Variants in TANC2 observed in about 807,000 individuals in gnomAD.
TANC2 encodes the protein protein TANC2.
TANC2 carries 26 observed loss-of-function variants against 210.5 expected under a neutral mutation model. That is an observed-to-expected ratio of 0.12 (90% CI 0.09 to 0.17). The LOEUF (loss-of-function observed/expected upper bound fraction) is 0.17. Ranked by LOEUF, TANC2 falls within the 10% of genes least tolerant of loss-of-function variation. The probability of loss-of-function intolerance (pLI) is 1.00; values close to 1 mark genes in which losing one functional copy is unlikely to be tolerated. For synonymous variants in TANC2, 931 were observed against 967.1 expected, an observed-to-expected ratio of 0.96 and a Z score of 0.69; for missense variants, 2,129 against 2,608.9, an observed-to-expected ratio of 0.82 and a Z score of 4.01.
At chr17:63,147,609 G>A (rs2039508022) in intron 4 of TANC2, among the ~76,000 whole-genome samples, 1 of 152,152 alleles carries the variant, frequency 6.6e-6, no homozygotes, top group African/African-American at 2.4e-5. Context: ...CTTATCTGGG[G>A]TGAGGCCTGA....
chr17:63,318,236 T>C (rs2045376559), intron 10 of TANC2, among the ~76,000 whole-genome samples: 1 of 152,224 alleles, frequency 6.6e-6, no homozygotes, highest in South Asian at 2.1e-4. Context: ...AGTATGATCT[T>C]ATTCATAAAT....
chr17:63,050,486 C>T (rs1382778945), intron 2 of TANC2, among the ~76,000 whole-genome samples: 1 of 151,912 alleles, frequency 6.6e-6, no homozygotes, highest in East Asian at 1.9e-4. Flanking sequence ...AACATAAAAC[C>T]ATGAGTCTAT....
intron 14 of TANC2, among the ~76,000 whole-genome samples, chr17:63,374,840 G>A (rs1346491559): frequency 2.0e-5 from 3 of 152,104 alleles, no homozygotes; most frequent in Non-Finnish European, 2.9e-5. Context: ...AAATAATTTT[G>A]AGCAGAATTT....
At chr17:63,399,850 C>CT (rs2048288629) in intron 19 of TANC2, among the ~76,000 whole-genome samples, 2 of 152,222 alleles carry the variant, frequency 1.3e-5, no homozygotes. Context: ...TTCCTGACTT[C>CT]TTTAACATCA....
chr17:63,137,134 C>G (rs1208469906), intron 4 of TANC2, among the ~76,000 whole-genome samples: 1 of 151,726 alleles, frequency 6.6e-6, no homozygotes, highest in African/African-American at 2.4e-5. Context: ...TGTTAAAAAC[C>G]TGGAGCATTC....
intron 2 of TANC2, among the ~76,000 whole-genome samples, chr17:63,022,887 G>T (rs1307693189): frequency 6.6e-6 from 1 of 152,220 alleles, no homozygotes; most frequent in Non-Finnish European, 1.5e-5. Flanking sequence ...GCAGCAACAT[G>T]CTGTGGTTCA....
At chr17:63,068,283 T>C (rs960944794) in intron 2 of TANC2, among the ~76,000 whole-genome samples, 9 of 152,166 alleles carry the variant, frequency 5.9e-5, no homozygotes, top group African/African-American at 2.2e-4. Flanking sequence ...TCGCGTTGTT[T>C]AGCAGAAATG....
intron 17 of TANC2, among the ~76,000 whole-genome samples, chr17:63,395,370 T>C (rs1272350545): frequency 6.6e-6 from 1 of 152,242 alleles, no homozygotes; most frequent in Non-Finnish European, 1.5e-5. Flanking sequence ...AAAGATAATT[T>C]TTTTTATGCC....
chr17:62,977,778 C>A (rs145826012), intron 1 of TANC2, among the ~76,000 whole-genome samples: 414 of 152,168 alleles, frequency 2.7e-3, no homozygotes, highest in Admixed American at 5.1e-3. Flanking sequence ...TTGATATTTT[C>A]CTCTCCCCTC....
intron 12 of TANC2, among the ~76,000 whole-genome samples, chr17:63,346,635 G>A (rs912432405): frequency 6.6e-6 from 1 of 152,210 alleles, no homozygotes; most frequent in African/African-American, 2.4e-5. Flanking sequence ...GTAAGGATGA[G>A]AAACAACTGG....
At chr17:63,310,460 ATAT>A (rs1209260827) in intron 9 of TANC2, among the ~76,000 whole-genome samples, 1 of 152,170 alleles carries the variant, frequency 6.6e-6, no homozygotes, top group Non-Finnish European at 1.5e-5. Flanking sequence ...AAAAAGAAAA[ATAT>A]TATTTCTAAA....
chr17:63,098,897 G>A (rs2037516205), intron 3 of TANC2, among the ~76,000 whole-genome samples: 1 of 151,998 alleles, frequency 6.6e-6, no homozygotes, highest in Admixed American at 6.6e-5. Context: ...TACAACTTAT[G>A]TGGAAATTAT....
chr17:63,018,645 A>G (rs1399030504), intron 2 of TANC2, among the ~76,000 whole-genome samples: 2 of 152,208 alleles, frequency 1.3e-5, no homozygotes, highest in Non-Finnish European at 2.9e-5. Flanking sequence ...AACAGTTGAG[A>G]TACTGGACAT....
intron 8 of TANC2, among the ~76,000 whole-genome samples, chr17:63,252,516 G>T (rs1400892384): frequency 1.3e-5 from 2 of 150,468 alleles, no homozygotes; most frequent in African/African-American, 4.9e-5. Flanking sequence ...TGTACCTTTT[G>T]ACCATCCCCA....
intron 4 of TANC2, among the ~76,000 whole-genome samples, chr17:63,133,533 A>T (rs2038993216): frequency 6.6e-6 from 1 of 152,152 alleles, no homozygotes; most frequent in Admixed American, 6.5e-5. Context: ...TTAATGCAAG[A>T]TCTTTTGGGT....
intron 1 of TANC2, among the ~76,000 whole-genome samples, chr17:62,972,791 G>A (rs2031776154): frequency 6.6e-6 from 1 of 152,176 alleles, no homozygotes; most frequent in Non-Finnish European, 1.5e-5. Flanking sequence ...GTAGTAAACT[G>A]TGTGTGGTTC....
At chr17:63,157,541 C>G (rs1285999820) in intron 5 of TANC2, among the ~76,000 whole-genome samples, 2 of 152,094 alleles carry the variant, frequency 1.3e-5, no homozygotes, top group African/African-American at 2.4e-5. Flanking sequence ...TGCCTGTGTT[C>G]ATATACCAGT....
At chr17:63,314,061 G>A (rs568262097) in intron 9 of TANC2, among the ~76,000 whole-genome samples, 36 of 152,132 alleles carry the variant, frequency 2.4e-4, no homozygotes, top group Non-Finnish European at 4.3e-4. Context: ...TTCTTCACTA[G>A]GCTTGCATCC....
intron 2 of TANC2, among the ~76,000 whole-genome samples, chr17:63,073,003 A>C (rs2144648919): frequency 6.6e-6 from 1 of 152,208 alleles, no homozygotes; most frequent in East Asian, 1.9e-4. Context: ...TCTTTATTAA[A>C]CCTGCTTGCA....
Sources: gnomAD v4.1 joint callset for allele counts (sites outside exome capture counted in the v4.1 genomes callset) on GRCh38, gnomAD v4.1.1 for gene constraint, MANE v1.5 for transcripts, NCBI Gene and HGNC (gene_info 2026-07-23, HGNC 2026-07-21) for gene names.